Variants in PMS1 observed in about 807,000 individuals in gnomAD.
PMS1 encodes the protein PMS1 protein homolog 1.
A neutral mutation model predicts 93.1 loss-of-function variants in PMS1; 79 were observed. The observed-to-expected ratio is 0.85, with a 90% CI of 0.71 to 1.02. The LOEUF (loss-of-function observed/expected upper bound fraction) is 1.02. Among genes scored for constraint, PMS1 ranks in the 50% least tolerant of loss-of-function variants. PMS1 has a pLI of 0.00. For synonymous variants in PMS1, 335 were observed against 363.4 expected, an observed-to-expected ratio of 0.92 and a Z score of 0.89; for missense variants, 1,064 against 1,085.3, an observed-to-expected ratio of 0.98 and a Z score of 0.28.
intron 12 of PMS1, 51 bp downstream of exon 12, chr2:189,873,707 G>C: frequency 7.3e-7 from 1 of 1,378,230 alleles, no homozygotes; most frequent in Non-Finnish European, 1.0e-6. Context: ...CCCAACTCCC[G>C]GGCCAAGCCG....
intron 6 of PMS1, among the ~76,000 whole-genome samples, chr2:189,846,160 G>A (rs905052309): frequency 2.0e-5 from 3 of 151,926 alleles, no homozygotes; most frequent in Admixed American, 6.6e-5. Flanking sequence ...AGGCACTTGG[G>A]GCCAGAAGCT....
chr2:189,816,561 G>T (rs889718299), intron 4 of PMS1, among the ~76,000 whole-genome samples: 1 of 152,046 alleles, frequency 6.6e-6, no homozygotes, highest in African/African-American at 2.4e-5. Context: ...CTTGAAATCT[G>T]CACTTAAGCC....
intron 4 of PMS1, among the ~76,000 whole-genome samples, chr2:189,810,788 A>G (rs2050773137): frequency 6.6e-6 from 1 of 152,052 alleles, no homozygotes; most frequent in Non-Finnish European, 1.5e-5. Flanking sequence ...TATATTCTTC[A>G]CTCTACTCTT....
At chr2:189,821,346 T>C (rs2051850759) in intron 5 of PMS1, among the ~76,000 whole-genome samples, 1 of 151,312 alleles carries the variant, frequency 6.6e-6, no homozygotes, top group East Asian at 1.9e-4. Context: ...TCCCAGCTAC[T>C]CAGGAGGCTG....
chr2:189,863,802 T>C lies in PMS1; in HGVS notation c.1916T>C (p.Ile639Thr). The change falls in exon 10 of 13, where the codon ATT becomes ACT. Residue 639 changes from isoleucine (I) to threonine (T), a missense_variant. Ile to Thr is a moderately conservative substitution (Grantham distance 89). Coordinates refer to ENST00000441310, the MANE Select transcript of PMS1 (RefSeq NM_000534.5). The stretch of plus-strand genomic sequence containing the variant: ...TACAATAGTCAAATGAAGAGAGCCA[T>C]TGAACAGGAGTCACAAATGTCACTA... ...ERYNSQMKRAIEQESQMSLKD... is the reference protein window; with the variant it reads ...ERYNSQMKRATEQESQMSLKD... 1 of 1,612,768 alleles carries C rather than the reference T, an allele frequency of 6.2e-7. No individual in the cohort carries two copies. The highest frequency in any genetic ancestry group is 1.3e-5 in the African/African-American group (1 of 74,996).
chr2:189,816,055 C>T (rs1486512640), intron 4 of PMS1, among the ~76,000 whole-genome samples: 3 of 152,088 alleles, frequency 2.0e-5, no homozygotes, highest in African/African-American at 7.2e-5. Context: ...CATATACTAC[C>T]ATGCCAGACT....
chr2:189,822,082 G>A lies in PMS1; in HGVS notation c.582+3902G>A, dbSNP rs527772998. On this transcript the variant is annotated intron_variant, in intron 5 of 12. Coordinates refer to ENST00000441310, the MANE Select transcript of PMS1 (RefSeq NM_000534.5). Reference sequence around the variant, plus strand: ...GGCCTCCACCTCCCCCTGCCTGCGCGTGTCCTGCGTGAGAGGGCAGAGGCA... The same window carrying A: ...GGCCTCCACCTCCCCCTGCCTGCGCATGTCCTGCGTGAGAGGGCAGAGGCA... Among the ~76,000 whole-genome samples the A allele has an allele frequency of 8.9e-4, 135 of 152,298 alleles. 4 individuals are homozygous for A. In the South Asian group the frequency reaches 0.028, roughly 31 times the overall value.
chr2:189,849,788 G>A (rs759554949), intron 6 of PMS1, among the ~76,000 whole-genome samples: 3 of 149,708 alleles, frequency 2.0e-5, no homozygotes, highest in Non-Finnish European at 4.4e-5. Flanking sequence ...GCTCAGCCTT[G>A]TTCTTGGTTT....
intron 3 of PMS1, among the ~76,000 whole-genome samples, chr2:189,803,886 G>T (rs972631449): frequency 2.0e-5 from 3 of 151,242 alleles, no homozygotes; most frequent in African/African-American, 7.3e-5. Flanking sequence ...AAAATAGAGG[G>T]TTTTTTTTTA....
intron 3 of PMS1, among the ~76,000 whole-genome samples, chr2:189,801,970 A>G (rs2049932194): frequency 6.6e-6 from 1 of 152,214 alleles, no homozygotes. Flanking sequence ...CTAAAATGTA[A>G]TAGCCATTCA....
intron 6 of PMS1, among the ~76,000 whole-genome samples, chr2:189,848,894 T>C (rs1381257308): frequency 6.6e-6 from 1 of 152,204 alleles, no homozygotes; most frequent in Non-Finnish European, 1.5e-5. Flanking sequence ...TCTCCATCCC[T>C]GGCCAAAAGC....
rs750214766 is a variant in PMS1 at position 189,795,873 on chromosome 2, T to C, written c.237T>C (p.Asn79=). 16 of 1,613,454 alleles carry C rather than the reference T, an allele frequency of 9.9e-6. 1 individual carries two copies. In the South Asian group the frequency reaches 1.8e-4, roughly 18 times the overall value. The change falls in exon 3 of 13, where the codon AAT becomes AAC. Residue 79 remains asparagine, a synonymous_variant. Transcript: ENST00000441310. ...TGAAGTACTACACCTCAAAAATAAA[T>C]AGTCATGAAGATCTTGAAAATTTGA... ...MAMKYYTSKI[N]SHEDLENLTT... is the part of the protein sequence containing the mutation.
chr2:189,843,700 T>C (rs1455170798), intron 5 of PMS1, among the ~76,000 whole-genome samples: 3 of 152,184 alleles, frequency 2.0e-5, no homozygotes, highest in Non-Finnish European at 4.4e-5. Context: ...GATTTTTATC[T>C]TCCAACAACT....
chr2:189,795,827 T>C lies in PMS1; in HGVS notation c.191T>C (p.Val64Ala). 1.2e-6 allele frequency: 2 copies of C among 1,613,462 alleles called. No homozygotes were observed. The highest frequency in any genetic ancestry group is 1.7e-6 in the Non-Finnish European group (2 of 1,179,360). The part of the protein sequence containing the change: ...VRDNGEGIKA[V>A]DAPVMAMKYY... ...GATAACGGGGAGGGTATCAAGGCTG[T>C]TGATGCACCTGTAATGGCAATGAAG... The change falls in exon 3 of 13, where the codon GTT becomes GCT. Residue 64 changes from valine (V) to alanine (A), a missense_variant. Transcript: ENST00000441310.
intron 2 of PMS1, among the ~76,000 whole-genome samples, chr2:189,793,682 G>A (rs2106222661): frequency 6.6e-6 from 1 of 152,254 alleles, no homozygotes; most frequent in African/African-American, 2.4e-5. Context: ...TTAAAACAGT[G>A]TTACAAAGCC....
At chr2:189,805,605 TC>T in intron 3 of PMS1, 46 bp from the exon 4 acceptor site, 2 of 1,387,564 alleles carry the variant, frequency 1.4e-6, no homozygotes, top group Non-Finnish European at 2.1e-6. Context: ...AATGAACCCA[TC>T]GCAATATCTA....
chr2:189,831,004 C>A (rs765088596), intron 5 of PMS1, among the ~76,000 whole-genome samples: 1 of 152,250 alleles, frequency 6.6e-6, no homozygotes, highest in Admixed American at 6.5e-5. Flanking sequence ...CAACTCTGAA[C>A]GTGATTTTCA....
In PMS1 at chr2:189,867,846, C is replaced by A. The variant is rs2106529992; in HGVS notation, c.2390C>A (p.Ala797Glu). The A allele has an allele frequency of 6.3e-7, 1 of 1,581,328 alleles. No homozygotes were observed. The highest frequency in any genetic ancestry group is 8.7e-7 in the Non-Finnish European group (1 of 1,150,242). ...HYLDVLYKMT[A>E]DDQRYSGSTY... ...TTAGACGTTTTATATAAAATGACAG[C>A]AGATGACCAAAGATACAGTGGATCA... The change falls in exon 11 of 13, where the codon GCA (alanine) becomes GAA (glutamate). Residue 797 changes from alanine (A) to glutamate (E), a missense_variant. Ala to Glu is a moderately radical substitution (Grantham distance 107). Transcript: ENST00000441310.
intron 6 of PMS1, among the ~76,000 whole-genome samples, chr2:189,850,003 A>G (rs2054572108): frequency 6.6e-6 from 1 of 150,440 alleles, no homozygotes; most frequent in African/African-American, 2.5e-5. Context: ...TTTCCAGCTG[A>G]CACATCTTGT....
Sources: allele counts gnomAD v4.1 joint callset (sites outside exome capture counted in the v4.1 genomes callset), GRCh38; gene constraint gnomAD v4.1.1; transcripts MANE v1.5; gene names NCBI Gene and HGNC (gene_info 2026-07-23, HGNC 2026-07-21).